LY86: variants seen among roughly 807,000 people sequenced by gnomAD.
LY86 encodes the protein lymphocyte antigen 86.
Under a neutral mutation model 17.3 loss-of-function variants are expected in LY86, and 20 were observed. The observed-to-expected ratio is 1.15, with a 90% CI of 0.81 to 1.68. The LOEUF (loss-of-function observed/expected upper bound fraction) is 1.68. LY86 is among the 40% of genes most tolerant of loss of function. The pLI is 0.00. For synonymous variants in LY86, 74 were observed against 70.6 expected, an observed-to-expected ratio of 1.05 and a Z score of -0.24; for missense variants, 200 against 191.9, an observed-to-expected ratio of 1.04 and a Z score of -0.25.
At chr6:6,634,514 G>C (rs1761935974) in intron 3 of LY86, among the ~76,000 whole-genome samples, 1 of 152,232 alleles carries the variant, frequency 6.6e-6, no homozygotes. Context: ...CTGTTGTAAT[G>C]CTCACTGATT....
chr6:6,635,161 CA>C, intron 3 of LY86, among the ~76,000 whole-genome samples: 1 of 152,186 alleles, frequency 6.6e-6, no homozygotes, highest in Non-Finnish European at 1.5e-5. Flanking sequence ...AGCAGCTTAA[CA>C]GAAGCCTAAA....
intron 4 of LY86, among the ~76,000 whole-genome samples, chr6:6,651,634 C>T (rs1762188354): frequency 6.6e-6 from 1 of 152,194 alleles, no homozygotes; most frequent in African/African-American, 2.4e-5. Flanking sequence ...CAACTAGAGG[C>T]TGACTTAAAA....
chr6:6,592,741 T>G (rs185244231), intron 1 of LY86, among the ~76,000 whole-genome samples: 66 of 152,300 alleles, frequency 4.3e-4, no homozygotes, highest in Non-Finnish European at 8.4e-4. Context: ...AAGGTGGCTG[T>G]CTGTAAACCA....
At position 6,637,098 on chromosome 6, in the gene LY86, C is replaced by T. The variant is rs551902337; in HGVS notation, c.352+10677C>T. Among the ~76,000 whole-genome samples, 5 of 150,792 alleles carry T rather than the reference C, an allele frequency of 3.3e-5. No individual in the cohort carries two copies. In the South Asian group the frequency reaches 1.0e-3, roughly 32 times the overall value. ...TGTGATCTCGGCTCACTGCAAGCTC[C>T]GCCTCCCAGGTTCATGCCATTCTCC... On this transcript the variant is annotated intron_variant, in intron 3 of 4. Coordinates refer to ENST00000230568, the MANE Select transcript of LY86 (RefSeq NM_004271.4).
chr6:6,641,931 C>G (rs913233614), intron 3 of LY86, among the ~76,000 whole-genome samples: 13 of 152,216 alleles, frequency 8.5e-5, no homozygotes, highest in African/African-American at 3.1e-4. Context: ...TCAGCAACCC[C>G]TGGGGAACCG....
chr6:6,616,757 T>A (rs1228796661), intron 1 of LY86, among the ~76,000 whole-genome samples: 1 of 152,238 alleles, frequency 6.6e-6, no homozygotes, highest in Non-Finnish European at 1.5e-5. Flanking sequence ...CAGAAGGGAA[T>A]TCCTTTTCAG....
intron 1 of LY86, among the ~76,000 whole-genome samples, chr6:6,590,117 T>A (rs1233518531): frequency 1.7e-5 from 1 of 59,776 alleles, no homozygotes; most frequent in African/African-American, 9.3e-5. Context: ...AAACTCTGTC[T>A]TAAAAAAAAA....
intron 1 of LY86, among the ~76,000 whole-genome samples, chr6:6,610,885 T>A (rs1238051139): frequency 6.6e-6 from 1 of 152,158 alleles, no homozygotes; most frequent in Non-Finnish European, 1.5e-5. Context: ...CGGTGGAAAC[T>A]CTTTCTGACC....
At chr6:6,590,365 G>A (rs1013572991) in intron 1 of LY86, among the ~76,000 whole-genome samples, 2 of 152,134 alleles carry the variant, frequency 1.3e-5, no homozygotes, top group Admixed American at 6.5e-5. Context: ...GTTCCTGGTG[G>A]GCTGGGCAGC....
intron 1 of LY86, among the ~76,000 whole-genome samples, chr6:6,590,164 C>T (rs996376460): frequency 6.8e-6 from 1 of 146,772 alleles, no homozygotes; most frequent in African/African-American, 2.5e-5. Flanking sequence ...CACATACAGT[C>T]ACATTCTAAG....
At chr6:6,638,095 CTAAA>C (rs1484692283) in intron 3 of LY86, among the ~76,000 whole-genome samples, 13 of 152,206 alleles carry the variant, frequency 8.5e-5, no homozygotes, top group Non-Finnish European at 1.2e-4. Flanking sequence ...TCAGCAACGA[CTAAA>C]TAGTCGGCAC....
At chr6:6,613,128 G>T (rs1162561655) in intron 1 of LY86, among the ~76,000 whole-genome samples, 1 of 152,142 alleles carries the variant, frequency 6.6e-6, no homozygotes, top group Non-Finnish European at 1.5e-5. Flanking sequence ...CTAGACACAG[G>T]GGGCTGATTG....
At chr6:6,600,203 G>GTA (rs1760853560) in intron 1 of LY86, among the ~76,000 whole-genome samples, 1 of 151,436 alleles carries the variant, frequency 6.6e-6, no homozygotes, top group Non-Finnish European at 1.5e-5. Context: ...CTTGTTTAGG[G>GTA]TAAGGGCTGC....
At chr6:6,604,838 GA>G (rs5874043) in intron 1 of LY86, among the ~76,000 whole-genome samples, 11 of 146,682 alleles carry the variant, frequency 7.5e-5, no homozygotes, top group East Asian at 6.0e-4. Flanking sequence ...ACCACCAAAG[GA>G]AAAAAAAAAA....
chr6:6,613,434 G>A (rs575846324), intron 1 of LY86, among the ~76,000 whole-genome samples: 1 of 152,194 alleles, frequency 6.6e-6, no homozygotes, highest in African/African-American at 2.4e-5. Flanking sequence ...GAGCCCTGCC[G>A]CGCCGGGAGG....
intron 1 of LY86, among the ~76,000 whole-genome samples, chr6:6,613,860 C>T (rs562703046): frequency 1.5e-3 from 230 of 152,336 alleles, no homozygotes; most frequent in African/African-American, 5.1e-3. Flanking sequence ...AGTCACTCCT[C>T]GAACACTTAA....
At position 6,612,280 on chromosome 6, in the gene LY86, C is replaced by T. The variant is rs567937906; in HGVS notation, c.137-12646C>T. Among the ~76,000 whole-genome samples the T allele has an allele frequency of 9.2e-5, 14 of 152,252 alleles. No homozygotes were observed. In the South Asian group the frequency reaches 2.5e-3, roughly 27 times the overall value. On this transcript the variant is annotated intron_variant, in intron 1 of 4. Transcript: ENST00000230568. ...TGATGTTCAGATGTGTTCTGAGTTT[C>T]TTTCTCGTGGGTTAGTGGCCTTGCT... is the stretch of plus-strand genomic sequence containing the variant.
chr6:6,647,129 A>G (rs1720467081), intron 3 of LY86, among the ~76,000 whole-genome samples: 1 of 151,816 alleles, frequency 6.6e-6, no homozygotes, highest in African/African-American at 2.4e-5. Context: ...TGGCCCATCT[A>G]CAAACGTATC....
Position 6,626,297 on chromosome 6 carries a change from G to A in LY86, c.228G>A (p.Glu76=), listed in dbSNP as rs1761786204. 1.2e-6 allele frequency: 2 copies of A among 1,613,762 alleles called. No individual in the cohort carries two copies. The highest frequency in any genetic ancestry group is 2.2e-5 in the South Asian group (2 of 91,062). The change falls in exon 3 of 5, where the codon GAG becomes GAA. Residue 76 remains glutamate, a synonymous_variant. Transcript: ENST00000230568. ...INIRFGIILR[E]DIKELFLDLA... The stretch of plus-strand genomic sequence containing the variant: ...CTGTTCTTCTCTTTCCTCCAGGAGA[G>A]GACATCAAAGAGCTTTTTCTTGACC...
Sources: gnomAD v4.1 joint callset for allele counts (sites outside exome capture counted in the v4.1 genomes callset) on GRCh38, gnomAD v4.1.1 for gene constraint, MANE v1.5 for transcripts, NCBI Gene and HGNC (gene_info 2026-07-23, HGNC 2026-07-21) for gene names.